Variants in KCNIP4 observed in about 807,000 individuals in gnomAD.
KCNIP4 encodes Kv channel-interacting protein 4.
KCNIP4 carries 12 observed loss-of-function variants against 34.0 expected under a neutral mutation model. That is an observed-to-expected ratio of 0.35 (90% CI 0.23 to 0.57). The LOEUF (loss-of-function observed/expected upper bound fraction) is 0.57. KCNIP4 is among the 20% of genes least tolerant of loss of function. The probability of loss-of-function intolerance (pLI) is 0.83; values close to 1 mark genes in which losing one functional copy is unlikely to be tolerated. For synonymous variants in KCNIP4, 124 were observed against 102.2 expected (o/e 1.21, Z -1.29); for missense variants, 238 against 311.7 (o/e 0.76, Z 1.78).
At chr4:21,333,518 G>A (rs1715860921) in intron 1 of KCNIP4, among the ~76,000 whole-genome samples, 1 of 151,952 alleles carries the variant, frequency 6.6e-6, no homozygotes, top group Non-Finnish European at 1.5e-5. Context: ...AATGTGAAAA[G>A]CAAGTTTCTC....
At chr4:21,057,417 CTT>C (rs202081343) in intron 1 of KCNIP4, among the ~76,000 whole-genome samples, 1 of 152,080 alleles carries the variant, frequency 6.6e-6, no homozygotes, top group Non-Finnish European at 1.5e-5. Flanking sequence ...TGAAGGAAAC[CTT>C]TGTTAGCCTA....
At chr4:21,262,103 G>T (rs1761508343) in intron 1 of KCNIP4, among the ~76,000 whole-genome samples, 1 of 152,076 alleles carries the variant, frequency 6.6e-6, no homozygotes, top group African/African-American at 2.4e-5. Context: ...TTAAACGCAT[G>T]CTCTTTCCTA....
intron 1 of KCNIP4, among the ~76,000 whole-genome samples, chr4:21,674,998 T>G (rs1304077376): frequency 6.6e-6 from 1 of 152,220 alleles, no homozygotes; most frequent in African/African-American, 2.4e-5. Context: ...TGCACTCCTA[T>G]GCTTATTGCA....
chr4:20,764,152 T>A (rs1441846240), intron 3 of KCNIP4, among the ~76,000 whole-genome samples: 1 of 152,096 alleles, frequency 6.6e-6, no homozygotes, highest in Non-Finnish European at 1.5e-5. Flanking sequence ...GTCTGATTAT[T>A]AGCAAATGAT....
chr4:21,504,475 A>AAAAAAAAAAAAAAAAAGAAAGAAAGAAAG (rs1264431211), intron 1 of KCNIP4, among the ~76,000 whole-genome samples: 3 of 101,852 alleles, frequency 2.9e-5, no homozygotes, highest in African/African-American at 7.8e-5. Flanking sequence ...CAAAAAAAAA[A>AAAAAAAAAAAAAAAAAGAAAGAAAGAAAG]AAAGAAAGAA....
intron 1 of KCNIP4, among the ~76,000 whole-genome samples, chr4:21,235,444 G>C (rs1759287857): frequency 6.6e-6 from 1 of 152,084 alleles, no homozygotes. Context: ...TTCTGCTTCA[G>C]GGATTTTGCA....
chr4:21,399,168 G>T (rs969745775), intron 1 of KCNIP4, among the ~76,000 whole-genome samples: 3 of 152,212 alleles, frequency 2.0e-5, no homozygotes, highest in African/African-American at 7.2e-5. Context: ...CCTCCAGGGG[G>T]CTTCCAGGTT....
chr4:21,914,956 T>A (rs1014803442), intron 1 of KCNIP4, among the ~76,000 whole-genome samples: 1 of 152,160 alleles, frequency 6.6e-6, no homozygotes, highest in Non-Finnish European at 1.5e-5. Context: ...AAAGGTTCTT[T>A]TTTTTGGAGA....
intron 1 of KCNIP4, among the ~76,000 whole-genome samples, chr4:21,276,335 G>C (rs534855613): frequency 2.0e-5 from 3 of 150,092 alleles, no homozygotes; most frequent in Non-Finnish European, 4.4e-5. Context: ...GTTTGTTTCA[G>C]TAGTCCTAGT....
intron 1 of KCNIP4, among the ~76,000 whole-genome samples, chr4:21,830,213 G>C (rs1033479532): frequency 6.6e-6 from 1 of 152,028 alleles, no homozygotes; most frequent in African/African-American, 2.4e-5. Context: ...AAATAAAATA[G>C]ACTTTAAGTC....
intron 1 of KCNIP4, among the ~76,000 whole-genome samples, chr4:21,165,543 A>AAATT (rs1216418288): frequency 6.6e-6 from 1 of 152,002 alleles, no homozygotes; most frequent in African/African-American, 2.4e-5. Flanking sequence ...CCATGTACAA[A>AAATT]AATTAACTCA....
Position 21,057,017 on chromosome 4 carries a change from T to C in KCNIP4, c.62-174308A>G, listed in dbSNP as rs549417785. 4.6e-5 allele frequency among the ~76,000 whole-genome samples: 7 copies of C among 152,278 alleles called. No homozygotes were observed. In the East Asian group the frequency reaches 1.4e-3, roughly 29 times the overall value. ...CTCATTTGCAATAAGTTATAACATA[T>C]TAACAATATATTCCTACATTTCACA... On this transcript the variant is annotated intron_variant, in intron 1 of 8. Coordinates refer to ENST00000382152, the MANE Select transcript of KCNIP4 (RefSeq NM_025221.6).
chr4:21,369,895 C>T (rs1720160929), intron 1 of KCNIP4, among the ~76,000 whole-genome samples: 1 of 144,420 alleles, frequency 6.9e-6, no homozygotes, highest in Admixed American at 6.7e-5. Context: ...CATCTCTGCT[C>T]ACTGCAAGCT....
intron 1 of KCNIP4, among the ~76,000 whole-genome samples, chr4:21,736,810 CA>C (rs1716022610): frequency 1.3e-5 from 2 of 152,130 alleles, no homozygotes; most frequent in South Asian, 4.1e-4. Flanking sequence ...AGGGATTTGA[CA>C]CACAGTGTTC....
rs5856652 is a variant in KCNIP4, at chr4:21,629,849, C to CTTTTTTTTTTTTTT, written c.61+318708_61+318721dup. ...ACCATATTTCCTTTTCTTTTTCTTT[C>CTTTTTTTTTTTTTT]TTTTTTTTTTTTTTTTTTTGAGACA... On this transcript the variant is annotated intron_variant, in intron 1 of 8. Coordinates refer to ENST00000382152, the MANE Select transcript of KCNIP4 (RefSeq NM_025221.6). Among the ~76,000 whole-genome samples the CTTTTTTTTTTTTTT allele has an allele frequency of 8.5e-4, 75 of 87,778 alleles. 2 individuals are homozygous for CTTTTTTTTTTTTTT. The highest frequency in any genetic ancestry group is 1.2e-3 in the African/African-American group (25 of 20,942). 57.6% of individuals were successfully genotyped at this position (87,778 alleles called of 152,430 possible). A position where few individuals can be genotyped will look rare whatever the true frequency, so the allele number is the denominator to read the frequency against.
chr4:21,933,010 C>G (rs774479962), intron 1 of KCNIP4, among the ~76,000 whole-genome samples: 1 of 127,832 alleles, frequency 7.8e-6, no homozygotes, highest in Non-Finnish European at 1.6e-5. Context: ...AGACCACAGT[C>G]AGATTTCAGA....
intron 1 of KCNIP4, among the ~76,000 whole-genome samples, chr4:21,821,375 T>A (rs1384381026): frequency 6.6e-6 from 1 of 152,114 alleles, no homozygotes; most frequent in Non-Finnish European, 1.5e-5. Context: ...GGTCACTGAA[T>A]TTTTCCACCA....
chr4:21,191,455 G>A (rs1050046550), intron 1 of KCNIP4, among the ~76,000 whole-genome samples: 3 of 152,092 alleles, frequency 2.0e-5, no homozygotes, highest in Admixed American at 6.5e-5. Context: ...CAACAAAACC[G>A]CACACCAAGC....
rs1759247829 is a variant in KCNIP4, at chr4:21,234,977, A to G, written c.62-352268T>C. Among the ~76,000 whole-genome samples, 3 of 152,130 alleles carry G rather than the reference A, an allele frequency of 2.0e-5. No homozygotes were observed. In the South Asian group the frequency reaches 6.2e-4, roughly 31 times the overall value. ...TTTTTTAACGTATAAAATAAAACAT[A>G]TAAGGTTAAAAAGAAAACCAATTAT... is the stretch of plus-strand genomic sequence containing the variant. On this transcript the variant is annotated intron_variant, in intron 1 of 8. Transcript: ENST00000382152.
Sources: allele counts gnomAD v4.1 joint callset (sites outside exome capture counted in the v4.1 genomes callset), GRCh38; gene constraint gnomAD v4.1.1; transcripts MANE v1.5; gene names NCBI Gene and HGNC (gene_info 2026-07-23, HGNC 2026-07-21).